The following EXOC6B variants were observed in gnomAD, a reference collection of about 807,000 sequenced individuals.
EXOC6B encodes SEC15 homolog B.
In EXOC6B, 54 loss-of-function variants were observed where a neutral mutation model predicts 113.5. The observed-to-expected ratio is 0.48, with a 90% CI of 0.38 to 0.60. EXOC6B has a LOEUF of 0.60. Ranked by LOEUF, EXOC6B falls within the 20% of genes least tolerant of loss-of-function variation. EXOC6B has a pLI of 0.00. For synonymous variants in EXOC6B, 357 were observed against 339.0 expected (o/e 1.05, Z -0.58); for missense variants, 797 against 977.5 (o/e 0.82, Z 2.46).
At chr2:72,768,048 C>A in intron 1 of EXOC6B, among the ~76,000 whole-genome samples, 1 of 142,830 alleles carries the variant, frequency 7.0e-6, no homozygotes, top group Non-Finnish European at 1.5e-5. Flanking sequence ...ACCCGGGAGG[C>A]AGAGGTTACA....
intron 20 of EXOC6B, among the ~76,000 whole-genome samples, chr2:72,230,302 T>C (rs187747235): frequency 1.4e-3 from 212 of 152,248 alleles, no homozygotes; most frequent in Middle Eastern, 3.4e-3. Context: ...ATGAACTAAG[T>C]TAGAAAAAAT....
chr2:72,801,699 T>C (rs189829318), intron 1 of EXOC6B, among the ~76,000 whole-genome samples: 1 of 152,302 alleles, frequency 6.6e-6, no homozygotes, highest in African/African-American at 2.4e-5. Context: ...CGATGGAAAT[T>C]TGAAGGGGTA....
chr2:72,737,054 T>C (rs1477726001), intron 2 of EXOC6B, among the ~76,000 whole-genome samples: 1 of 152,154 alleles, frequency 6.6e-6, no homozygotes, highest in African/African-American at 2.4e-5. Context: ...TTCTTTAATA[T>C]GGCCAGGCAT....
intron 11 of EXOC6B, among the ~76,000 whole-genome samples, chr2:72,503,418 C>T (rs968918744): frequency 6.6e-6 from 1 of 152,282 alleles, no homozygotes; most frequent in Non-Finnish European, 1.5e-5. Context: ...TTGCCATTTC[C>T]AGAATGGCAT....
intron 1 of EXOC6B, among the ~76,000 whole-genome samples, chr2:72,766,670 G>A (rs1683076525): frequency 6.6e-6 from 1 of 152,014 alleles, no homozygotes; most frequent in Admixed American, 6.6e-5. Flanking sequence ...AATCCACATT[G>A]AGGTTGGGCA....
chr2:72,397,671 T>TAC (rs1558625799), intron 18 of EXOC6B, among the ~76,000 whole-genome samples: 1 of 121,320 alleles, frequency 8.2e-6, no homozygotes, highest in East Asian at 1.9e-4. Flanking sequence ...TATATATATA[T>TAC]ACACTCATAT....
chr2:72,626,801 G>A (rs998304027), intron 6 of EXOC6B, among the ~76,000 whole-genome samples: 1 of 151,924 alleles, frequency 6.6e-6, no homozygotes. Flanking sequence ...ACTTAAATGG[G>A]AGAAAACCCC....
chr2:72,495,361 T>A lies in EXOC6B; in HGVS notation c.1553+69A>T, dbSNP rs1271680509. 1.4e-4 allele frequency: 120 copies of A among 880,596 alleles called. 1 individual carries two copies. The South Asian group carries it at 2.2e-3, about 16-fold the overall frequency. 54.5% of individuals were successfully genotyped at this position (880,596 alleles called of 1,614,324 possible). On this transcript the variant is annotated intron_variant, in intron 15 of 21. Transcript: ENST00000272427. ...GGGCTGACGGGACTATCAAAAGTTT[T>A]TCAGAATATGTAAATACATGGAGTC... is the stretch of plus-strand genomic sequence containing the variant.
intron 1 of EXOC6B, among the ~76,000 whole-genome samples, chr2:72,769,904 A>C (rs2104941292): frequency 6.6e-6 from 1 of 152,310 alleles, no homozygotes; most frequent in Admixed American, 6.5e-5. Flanking sequence ...AAAAAGAAAA[A>C]CCAGCAAGTA....
intron 7 of EXOC6B, among the ~76,000 whole-genome samples, chr2:72,569,076 A>G (rs890477110): frequency 1.3e-5 from 2 of 152,112 alleles, no homozygotes; most frequent in African/African-American, 2.4e-5. Context: ...GAACGTCTAA[A>G]GCATGCCATA....
At chr2:72,401,116 T>C (rs1693120109) in intron 18 of EXOC6B, among the ~76,000 whole-genome samples, 1 of 151,786 alleles carries the variant, frequency 6.6e-6, no homozygotes, top group South Asian at 2.1e-4. Context: ...AACATTTATG[T>C]TAATGAGCTC....
chr2:72,583,996 G>T (rs1432681208), intron 6 of EXOC6B, among the ~76,000 whole-genome samples: 2 of 151,960 alleles, frequency 1.3e-5, no homozygotes, highest in Admixed American at 1.3e-4. Flanking sequence ...TGCTGGGCTT[G>T]CAGGCATGAA....
At chr2:72,431,660 T>C (rs1695541626) in intron 18 of EXOC6B, among the ~76,000 whole-genome samples, 1 of 152,122 alleles carries the variant, frequency 6.6e-6, no homozygotes, top group Non-Finnish European at 1.5e-5. Flanking sequence ...TTATTATTAT[T>C]ATTCTACTTT....
intron 6 of EXOC6B, among the ~76,000 whole-genome samples, chr2:72,600,313 CACCTGTTA>C (rs1387655424): frequency 6.6e-6 from 1 of 151,830 alleles, no homozygotes; most frequent in African/African-American, 2.4e-5. Context: ...TGGTGGCATA[CACCTGTTA>C]GTCCCAGCTA....
At chr2:72,586,215 A>G (rs746335752) in intron 6 of EXOC6B, among the ~76,000 whole-genome samples, 1 of 152,158 alleles carries the variant, frequency 6.6e-6, no homozygotes, top group Non-Finnish European at 1.5e-5. Flanking sequence ...AAGTCTACAA[A>G]AGCAATTGCA....
chr2:72,253,512 C>T (rs908461630), intron 20 of EXOC6B, among the ~76,000 whole-genome samples: 2 of 152,114 alleles, frequency 1.3e-5, no homozygotes, highest in African/African-American at 4.8e-5. Flanking sequence ...TACTATGCAG[C>T]CATAAAGAAG....
chr2:72,684,719 C>T (rs1263121968), intron 6 of EXOC6B, among the ~76,000 whole-genome samples: 1 of 152,026 alleles, frequency 6.6e-6, no homozygotes, highest in Non-Finnish European at 1.5e-5. Context: ...TAAAAGAGTA[C>T]ATACTGTATG....
intron 6 of EXOC6B, among the ~76,000 whole-genome samples, chr2:72,684,880 TAAGATAGGGGTTTAGGTTAAGCAGGC>T: frequency 6.6e-6 from 1 of 152,242 alleles, no homozygotes; most frequent in Non-Finnish European, 1.5e-5. Context: ...CTATAACTAT[TAAGATAGGGGTTTAGGTTAAGCAGGC>T]AAGATAGGGG....
chr2:72,514,609 T>C, intron 10 of EXOC6B, 25 bp downstream of exon 10: 1 of 322,176 alleles, frequency 3.1e-6, no homozygotes, highest in Non-Finnish European at 5.4e-6. Context: ...TAAATAAATA[T>C]ATATATATAT....
Sources: gnomAD v4.1 joint callset for allele counts (sites outside exome capture counted in the v4.1 genomes callset) on GRCh38, gnomAD v4.1.1 for gene constraint, MANE v1.5 for transcripts, NCBI Gene and HGNC (gene_info 2026-07-23, HGNC 2026-07-21) for gene names.